RPL5: variants seen among roughly 807,000 people sequenced by gnomAD.
RPL5 encodes large ribosomal subunit protein uL18.
Under a neutral mutation model 38.4 loss-of-function variants are expected in RPL5, and 1 was observed. That is an observed-to-expected ratio of 0.03 (90% CI 0.01 to 0.12). The LOEUF is 0.12. Ranked by LOEUF, RPL5 falls within the 10% of genes least tolerant of loss-of-function variation. The pLI is 1.00. For synonymous variants in RPL5, 109 were observed against 121.2 expected, an observed-to-expected ratio of 0.90 and a Z score of 0.66; for missense variants, 243 against 374.1, an observed-to-expected ratio of 0.65 and a Z score of 2.89.
chr1:92,837,385 A>G, intron 5 of RPL5, 71 bp from the exon 6 acceptor site: 1 of 1,313,000 alleles, frequency 7.6e-7, no homozygotes, highest in Non-Finnish European at 1.1e-6. Context: ...GATGGCAGCT[A>G]CTAAAGTAAA....
At chr1:92,839,601 C>G (rs1687272160) in intron 6 of RPL5, among the ~76,000 whole-genome samples, 1 of 152,156 alleles carries the variant, frequency 6.6e-6, no homozygotes, top group Non-Finnish European at 1.5e-5. Flanking sequence ...TGCTTGTTGG[C>G]CTGTGTCCAG....
chr1:92,832,368 T>C, intron 1 of RPL5: 1 of 632,384 alleles, frequency 1.6e-6, no homozygotes. Flanking sequence ...AGGGTGAGTT[T>C]AGTAGACAGC....
rs1006135937 is a variant in RPL5 at position 92,832,051 on chromosome 1, C to T, written c.-64C>T. The T allele has an allele frequency of 6.2e-6, 10 of 1,609,740 alleles. No homozygotes were observed. The highest frequency in any genetic ancestry group is 2.7e-5 in the African/African-American group (2 of 74,886). On this transcript the variant is annotated 5_prime_UTR_variant, in exon 1 of 8. Coordinates refer to ENST00000370321, the MANE Select transcript of RPL5 (RefSeq NM_000969.5). ...GCAAGGGCTGTGGCCCTTTTCCCAC[C>T]CCCTAGCGCCGCTGGGCCTGCAGGT...
intron 7 of RPL5, 109 bp downstream of exon 7, chr1:92,840,748 T>G (rs764920141): frequency 7.0e-6 from 6 of 852,350 alleles, no homozygotes. Flanking sequence ...CTCTGCGTGA[T>G]GTGGCAGAAG....
In RPL5 at chr1:92,835,059, A is replaced by G. The variant is rs1156431084; in HGVS notation, c.324+146A>G. 1.2e-5 allele frequency: 14 copies of G among 1,141,582 alleles called. 1 individual carries two copies. Among genetic ancestry groups the G allele is most frequent in the Non-Finnish European group, 1.6e-5 (12 of 772,568 alleles). The allele number at this position is 1,141,582 out of a possible 1,614,324, so 70.7% of individuals were successfully genotyped here. ...AGTTTTCTGCTTTGTTAATGGATCT[A>G]TCTAGGTCAGCTCTTTCCAATAAAA... On this transcript the variant is annotated intron_variant, in intron 4 of 7. Coordinates refer to ENST00000370321, the MANE Select transcript of RPL5 (RefSeq NM_000969.5).
chr1:92,838,464 C>T (rs556029798), intron 6 of RPL5, among the ~76,000 whole-genome samples: 1 of 152,196 alleles, frequency 6.6e-6, no homozygotes. Flanking sequence ...GTCATACTTG[C>T]TCAGAACTTT....
At chr1:92,832,616 T>C (rs752656909) in intron 1 of RPL5, 10 of 302,566 alleles carry the variant, frequency 3.3e-5, no homozygotes, top group Non-Finnish European at 5.6e-5. Flanking sequence ...CAAGTGGCTT[T>C]TAAGCCAAAA....
chr1:92,834,217 C>T (rs561579234), intron 3 of RPL5, among the ~76,000 whole-genome samples: 29 of 152,300 alleles, frequency 1.9e-4, no homozygotes, highest in African/African-American at 7.0e-4. Context: ...TGCCACTTAA[C>T]CACTGAAAAG....
intron 1 of RPL5, chr1:92,832,971 G>T: frequency 2.8e-6 from 2 of 725,420 alleles, no homozygotes; most frequent in South Asian, 2.9e-5. Flanking sequence ...CCGACGTTTG[G>T]CATCACTGAT....
At position 92,834,364 on chromosome 1, in the gene RPL5, T is replaced by C. The variant is rs1339544734; in HGVS notation, c.190-415T>C. On this transcript the variant is annotated intron_variant, in intron 3 of 7. Transcript: ENST00000370321. Reference sequence around the variant, plus strand: ...TTTTGCTCTTGTACTAAGAGCATTCTCACTGGACTCTGAAAGCTAGAATCC... The same window carrying C: ...TTTTGCTCTTGTACTAAGAGCATTCCCACTGGACTCTGAAAGCTAGAATCC... Among the ~76,000 whole-genome samples the C allele has an allele frequency of 2.0e-5, 3 of 152,356 alleles. 1 individual carries two copies. Among genetic ancestry groups the C allele is most frequent in the African/African-American group, 4.8e-5 (2 of 41,578 alleles).
Position 92,836,386 on chromosome 1 carries a change from C to T in RPL5, c.521C>T (p.Pro174Leu). 6.2e-7 allele frequency: 1 copy of T among 1,613,726 alleles called. No individual in the cohort carries two copies. Among genetic ancestry groups the T allele is most frequent in the East Asian group, 2.2e-5 (1 of 44,888 alleles). The stretch of plus-strand genomic sequence containing the variant: ...GCTGTGGATGGAGGCTTGTCTATCC[C>T]TCACAGGTAAGAATACTATTTAAGA... The part of the protein sequence containing the change: ...KGAVDGGLSI[P>L]HSTKRFPGYD... Residue 174 changes from proline (P) to leucine (L), a missense_variant, in exon 5 of 8, where the codon CCT (proline) becomes CTT (leucine). Transcript: ENST00000370321.
chr1:92,840,728 C>G, intron 7 of RPL5, 89 bp downstream of exon 7: 1 of 920,726 alleles, frequency 1.1e-6, no homozygotes, highest in Non-Finnish European at 1.8e-6. Context: ...TGTGCAAACT[C>G]GATCACTAGC....
At chr1:92,840,911 T>C in intron 7 of RPL5, 1 of 557,016 alleles carries the variant, frequency 1.8e-6, no homozygotes, top group South Asian at 1.5e-5. Flanking sequence ...TGATCTTTCA[T>C]GTTTTGATCT....
chr1:92,836,436 T>G (rs201933033), intron 5 of RPL5, 44 bp downstream of exon 5: 2 of 1,560,474 alleles, frequency 1.3e-6, no homozygotes, highest in Non-Finnish European at 1.8e-6. Flanking sequence ...CCGTGGTACT[T>G]CCCTGTTTTT....
At chr1:92,833,014 G>T (rs1233072631) in intron 1 of RPL5, 1 of 741,428 alleles carries the variant, frequency 1.3e-6, no homozygotes, top group Non-Finnish European at 2.5e-6. Context: ...CAAAAGTTTG[G>T]CACAATTACC....
At chr1:92,832,934 A>G in intron 1 of RPL5, 1 of 689,694 alleles carries the variant, frequency 1.4e-6, no homozygotes, top group Non-Finnish European at 2.6e-6. Context: ...AGGTTTTCGA[A>G]GTGGGACATA....
At chr1:92,834,455 A>G (rs1687038423) in intron 3 of RPL5, among the ~76,000 whole-genome samples, 1 of 152,160 alleles carries the variant, frequency 6.6e-6, no homozygotes, top group African/African-American at 2.4e-5. Context: ...GCAGGTAGGC[A>G]CACCTGTTTC....
rs1438586282 is a variant in RPL5 at position 92,837,715 on chromosome 1, C to T, written c.705+82C>T. ...ACTTGTTTTGGGGGCAGGTAACATT[C>T]TTATATAGGTGTGTTTCTTGACAAC... On this transcript the variant is annotated intron_variant, in intron 6 of 7. Transcript: ENST00000370321. 2.7e-6 allele frequency: 3 copies of T among 1,108,338 alleles called. No individual in the cohort carries two copies. The African/African-American group carries it at 4.7e-5, about 17-fold the overall frequency. The allele number at this position is 1,108,338 out of a possible 1,614,324, so 68.7% of individuals were successfully genotyped here. A position where few individuals can be genotyped will look rare whatever the true frequency, so the allele number is the denominator to read the frequency against.
rs200628272 is a variant in RPL5, at chr1:92,832,120, G to A, written c.3+3G>A. 1.2e-6 allele frequency: 2 copies of A among 1,614,140 alleles called. No homozygotes were observed. The highest frequency in any genetic ancestry group is 1.7e-6 in the Non-Finnish European group (2 of 1,180,002). On this transcript the variant is annotated splice_donor_region_variant and intron_variant, in intron 1 of 7. Transcript: ENST00000370321. ...GCCGGTCTCTGTTCCGCAGGATGGTGAGTGGATGCCTCGGTCTCGGGGCTT... is the reference window on the plus strand; with the variant it reads ...GCCGGTCTCTGTTCCGCAGGATGGTAAGTGGATGCCTCGGTCTCGGGGCTT...
Sources: allele counts gnomAD v4.1 joint callset (sites outside exome capture counted in the v4.1 genomes callset), GRCh38; gene constraint gnomAD v4.1.1; transcripts MANE v1.5; gene names NCBI Gene and HGNC (gene_info 2026-07-23, HGNC 2026-07-21).